TIMM23: variants seen among roughly 807,000 people sequenced by gnomAD.
TIMM23 encodes translocase of inner mitochondrial membrane 23, also known as mitochondrial import inner membrane translocase subunit Tim23.
TIMM23 carries 19 observed loss-of-function variants against 30.7 expected under a neutral mutation model. The ratio of observed to expected loss-of-function variants is 0.62; its 90% CI spans 0.43 to 0.91. The LOEUF is 0.91. TIMM23 is among the 40% of genes least tolerant of loss of function. TIMM23 has a pLI of 0.00. For synonymous variants in TIMM23, 78 were observed against 98.5 expected (o/e 0.79, Z 1.23); for missense variants, 202 against 269.2 (o/e 0.75, Z 1.75).
intron 6 of TIMM23, among the ~76,000 whole-genome samples, chr10:45,998,682 T>G (rs1487310580): frequency 6.6e-6 from 1 of 152,138 alleles, no homozygotes; most frequent in Non-Finnish European, 1.5e-5. Flanking sequence ...ACACCAATGT[T>G]TAGTGTCTTG....
intron 2 of TIMM23, among the ~76,000 whole-genome samples, chr10:45,978,283 G>A (rs1398494851): frequency 2.0e-5 from 3 of 152,092 alleles, no homozygotes; most frequent in African/African-American, 7.2e-5. Context: ...AGTCCAGCAG[G>A]TCAAGTCTCA....
chr10:46,002,819 T>TTTC (rs1838589423), intron 6 of TIMM23, among the ~76,000 whole-genome samples: 2 of 143,334 alleles, frequency 1.4e-5, no homozygotes, highest in South Asian at 4.8e-4. Flanking sequence ...TATTTTTTTT[T>TTTC]TTTTTTTTTT....
In TIMM23 at chr10:45,975,504, C is replaced by G. The variant is rs1554912866; in HGVS notation, c.157C>G (p.Leu53Val). 7 of 1,613,688 alleles carry G rather than the reference C, an allele frequency of 4.3e-6. No homozygotes were observed. Among genetic ancestry groups the G allele is most frequent in the Non-Finnish European group, 5.9e-6 (7 of 1,179,852 alleles). The change falls in exon 2 of 7, where the codon CTC (leucine) becomes GTC (valine). Residue 53 changes from leucine to valine, a missense_variant. Coordinates refer to ENST00000580018, the MANE Select transcript of TIMM23 (RefSeq NM_006327.4). ...SPYLNVDPRYLVQDTDEFILP... is the reference protein window; with the variant it reads ...SPYLNVDPRYVVQDTDEFILP... ...TTATTTAAATGTGGATCCACGATAC[C>G]TCGTGCAGGTAAGATTAAGATTTTA...
chr10:45,974,055 T>C (rs1837586344), intron 1 of TIMM23, among the ~76,000 whole-genome samples: 1 of 152,088 alleles, frequency 6.6e-6, no homozygotes, highest in Non-Finnish European at 1.5e-5. Context: ...TTAATTTGAT[T>C]AAGATTTGAA....
At chr10:45,991,923 C>G (rs1437129023) in intron 6 of TIMM23, among the ~76,000 whole-genome samples, 6 of 151,510 alleles carry the variant, frequency 4.0e-5, no homozygotes, top group Non-Finnish European at 8.8e-5. Context: ...CCATCTGTCC[C>G]TTACTTGTCT....
chr10:45,978,090 C>T (rs1377948225), intron 2 of TIMM23, among the ~76,000 whole-genome samples: 7 of 151,908 alleles, frequency 4.6e-5, no homozygotes, highest in Admixed American at 4.6e-4. Context: ...GTGGCTCGTG[C>T]CTATACTCCC....
chr10:45,981,450 A>G (rs1166657647), intron 2 of TIMM23, among the ~76,000 whole-genome samples: 4 of 151,968 alleles, frequency 2.6e-5, no homozygotes, highest in African/African-American at 9.7e-5. Flanking sequence ...ATACAATTAT[A>G]TTATGACATG....
chr10:45,997,075 A>G (rs1838362495), intron 6 of TIMM23, among the ~76,000 whole-genome samples: 2 of 152,082 alleles, frequency 1.3e-5, no homozygotes, highest in African/African-American at 4.8e-5. Context: ...GCTACTAAAA[A>G]TACAAAAAAT....
intron 6 of TIMM23, chr10:45,992,502 G>T (rs1294997395): frequency 6.8e-4 from 308 of 455,222 alleles, no homozygotes; most frequent in Non-Finnish European, 9.7e-4. Context: ...ATAAACACTT[G>T]GAGGCTTATG....
intron 2 of TIMM23, 64 bp downstream of exon 2, chr10:45,975,576 T>A (rs587735605): frequency 1.2e-6 from 2 of 1,600,408 alleles, no homozygotes; most frequent in Non-Finnish European, 1.7e-6. Flanking sequence ...CGCCAAGTGC[T>A]ATGCTGACTT....
intron 2 of TIMM23, among the ~76,000 whole-genome samples, chr10:45,978,487 G>T (rs1419817794): frequency 3.3e-5 from 5 of 152,058 alleles, no homozygotes; most frequent in Non-Finnish European, 7.4e-5. Context: ...TACAAAATGG[G>T]CAAAGGATTT....
chr10:45,982,252 C>G (rs1364697549), intron 2 of TIMM23, among the ~76,000 whole-genome samples: 4 of 152,202 alleles, frequency 2.6e-5, no homozygotes, highest in African/African-American at 7.2e-5. Flanking sequence ...GCTGTCCTTT[C>G]TAAACACTTT....
intron 5 of TIMM23, among the ~76,000 whole-genome samples, chr10:45,986,849 A>G (rs1417814100): frequency 6.6e-6 from 1 of 152,092 alleles, no homozygotes; most frequent in Non-Finnish European, 1.5e-5. Flanking sequence ...AATCTGAAGT[A>G]TAGCAATTAT....
At chr10:45,992,031 A>G (rs1457032650) in intron 6 of TIMM23, among the ~76,000 whole-genome samples, 3 of 151,288 alleles carry the variant, frequency 2.0e-5, no homozygotes, top group Admixed American at 6.6e-5. Flanking sequence ...CAATGGTGCC[A>G]TCATGGCTCA....
At chr10:45,992,114 A>G (rs1554915901) in intron 6 of TIMM23, among the ~76,000 whole-genome samples, 1 of 152,024 alleles carries the variant, frequency 6.6e-6, no homozygotes, top group Non-Finnish European at 1.5e-5. Context: ...CTACAGGTGC[A>G]TGCCACCACA....
intron 6 of TIMM23, among the ~76,000 whole-genome samples, chr10:45,990,434 T>A (rs1437170761): frequency 2.0e-5 from 3 of 151,346 alleles, no homozygotes; most frequent in African/African-American, 7.3e-5. Context: ...TTTTAATTTT[T>A]TTTTTAAGAC....
At chr10:46,000,956 T>C (rs1220254335) in intron 6 of TIMM23, among the ~76,000 whole-genome samples, 1 of 152,206 alleles carries the variant, frequency 6.6e-6, no homozygotes. Flanking sequence ...GCTACCTGCT[T>C]GGAAGAATCC....
At chr10:45,989,460 C>A (rs1838093063) in intron 6 of TIMM23, among the ~76,000 whole-genome samples, 1 of 152,316 alleles carries the variant, frequency 6.6e-6, no homozygotes, top group Admixed American at 6.5e-5. Context: ...AATATCTCTT[C>A]AAGGTCCTTC....
At chr10:45,996,615 A>G (rs1393656205) in intron 6 of TIMM23, among the ~76,000 whole-genome samples, 1 of 152,040 alleles carries the variant, frequency 6.6e-6, no homozygotes, top group Non-Finnish European at 1.5e-5. Context: ...ATTTTGGTTC[A>G]GTTCTTAAGG....
Sources: gnomAD v4.1 joint callset for allele counts (sites outside exome capture counted in the v4.1 genomes callset) on GRCh38, gnomAD v4.1.1 for gene constraint, MANE v1.5 for transcripts, NCBI Gene and HGNC (gene_info 2026-07-23, HGNC 2026-07-21) for gene names.